The following SPIN1 variants were observed in gnomAD, a reference collection of about 807,000 sequenced individuals.
SPIN1 encodes spindlin-1.
SPIN1 carries 3 observed loss-of-function variants against 26.0 expected under a neutral mutation model. The ratio of observed to expected loss-of-function variants is 0.12; its 90% CI spans 0.05 to 0.30. The LOEUF (loss-of-function observed/expected upper bound fraction) is 0.30. Ranked by LOEUF, SPIN1 falls within the 10% of genes least tolerant of loss-of-function variation. The pLI is 1.00. For synonymous variants in SPIN1, 101 were observed against 116.5 expected (o/e 0.87, Z 0.86); for missense variants, 126 against 333.4 (o/e 0.38, Z 4.84).
chr9:88,438,210 T>C (rs1226009199), intron 2 of SPIN1, among the ~76,000 whole-genome samples: 1 of 152,182 alleles, frequency 6.6e-6, no homozygotes, highest in East Asian at 1.9e-4. Context: ...TGTAAATTTC[T>C]CTGTAAGCAC....
chr9:88,389,326 T>A (rs926791497), intron 1 of SPIN1: 3 of 152,228 alleles, frequency 2.0e-5, no homozygotes, highest in Admixed American at 2.0e-4. Context: ...AAACGAATTG[T>A]GCGATGCGGG....
At chr9:88,403,216 C>A (rs1048216731) in intron 1 of SPIN1, among the ~76,000 whole-genome samples, 3 of 152,182 alleles carry the variant, frequency 2.0e-5, no homozygotes, top group Admixed American at 2.0e-4. Flanking sequence ...TTGCACATAT[C>A]ATTTCCCATT....
At chr9:88,437,912 C>G (rs1464558039) in intron 2 of SPIN1, among the ~76,000 whole-genome samples, 4 of 152,112 alleles carry the variant, frequency 2.6e-5, no homozygotes, top group Non-Finnish European at 5.9e-5. Flanking sequence ...GCAATCCCAG[C>G]ACTTTGGGAG....
intron 1 of SPIN1, among the ~76,000 whole-genome samples, chr9:88,392,710 A>G (rs1826957196): frequency 6.6e-6 from 1 of 151,814 alleles, no homozygotes; most frequent in South Asian, 2.1e-4. Flanking sequence ...GTGTTTATGT[A>G]TAGCAGGGGA....
intron 1 of SPIN1, among the ~76,000 whole-genome samples, chr9:88,420,183 C>T (rs535348372): frequency 3.0e-4 from 46 of 152,274 alleles, no homozygotes; most frequent in African/African-American, 9.9e-4. Context: ...CGAGACCAGC[C>T]TGACCAACAT....
chr9:88,456,000 G>A (rs1302976112), intron 3 of SPIN1, among the ~76,000 whole-genome samples: 1 of 152,206 alleles, frequency 6.6e-6, no homozygotes, highest in Non-Finnish European at 1.5e-5. Flanking sequence ...TCATCATAGA[G>A]ATAACGCTCT....
chr9:88,442,074 C>T (rs772652655), intron 2 of SPIN1, among the ~76,000 whole-genome samples: 10 of 151,034 alleles, frequency 6.6e-5, no homozygotes, highest in Non-Finnish European at 1.2e-4. Flanking sequence ...GCCTCAGCCT[C>T]CCAAGTAGCT....
chr9:88,420,060 A>C (rs372989519), intron 1 of SPIN1, among the ~76,000 whole-genome samples: 13 of 152,332 alleles, frequency 8.5e-5, no homozygotes, highest in African/African-American at 3.1e-4. Flanking sequence ...AATAATCAAA[A>C]GGATCACAGT....
intron 1 of SPIN1, among the ~76,000 whole-genome samples, chr9:88,417,064 T>G (rs1232498774): frequency 1.3e-5 from 2 of 152,232 alleles, no homozygotes; most frequent in African/African-American, 4.8e-5. Context: ...TGCATTAAAT[T>G]GCAGACATCA....
chr9:88,473,125 G>A (rs976460179), intron 5 of SPIN1, among the ~76,000 whole-genome samples: 3 of 152,128 alleles, frequency 2.0e-5, no homozygotes, highest in Admixed American at 2.0e-4. Context: ...GGGCATGGTG[G>A]CTCACGCCTG....
intron 2 of SPIN1, 126 bp downstream of exon 2, chr9:88,426,717 C>T: frequency 1.4e-6 from 1 of 712,504 alleles, no homozygotes; most frequent in Non-Finnish European, 2.3e-6. Context: ...GTATGTTATA[C>T]ACATATGCAT....
At chr9:88,465,082 A>G (rs1179273843) in intron 4 of SPIN1, among the ~76,000 whole-genome samples, 1 of 152,178 alleles carries the variant, frequency 6.6e-6, no homozygotes, top group East Asian at 1.9e-4. Context: ...GTGTGACAGG[A>G]TTTCCTTTAA....
intron 1 of SPIN1, among the ~76,000 whole-genome samples, chr9:88,417,009 T>A (rs1257831990): frequency 6.6e-6 from 1 of 152,256 alleles, no homozygotes; most frequent in Non-Finnish European, 1.5e-5. Flanking sequence ...TTTAATTTGC[T>A]TACATTTTGC....
At chr9:88,470,128 G>A (rs980869942) in intron 5 of SPIN1, among the ~76,000 whole-genome samples, 2 of 152,216 alleles carry the variant, frequency 1.3e-5, no homozygotes, top group Non-Finnish European at 2.9e-5. Context: ...CATTCACGCT[G>A]TAGCATATAT....
At chr9:88,461,761 A>G (rs1036564392) in intron 3 of SPIN1, among the ~76,000 whole-genome samples, 1 of 152,200 alleles carries the variant, frequency 6.6e-6, no homozygotes. Context: ...TTTTTTCCTG[A>G]TATCAAGAGC....
Position 88,475,369 on chromosome 9 carries a change from T to G in SPIN1, c.*92T>G. The G allele has an allele frequency of 1.5e-6, 2 of 1,334,242 alleles. No individual in the cohort carries two copies. The highest frequency in any genetic ancestry group is 2.4e-5 in the East Asian group (1 of 41,530). 82.7% of individuals were successfully genotyped at this position (1,334,242 alleles called of 1,614,324 possible). A position where few individuals can be genotyped will look rare whatever the true frequency, so the allele number is the denominator to read the frequency against. ...GATTGCTTTCCAGTTTAATGAAAGC[T>G]TAAATGTCCCTGCGAACCCACAATC... On this transcript the variant is annotated 3_prime_UTR_variant, in exon 6 of 6. Transcript: ENST00000375859.
In SPIN1 at chr9:88,391,009, C is replaced by T. The variant is rs146308430; in HGVS notation, c.-159+2471C>T. 6.6e-5 allele frequency among the ~76,000 whole-genome samples: 10 copies of T among 152,236 alleles called. No individual in the cohort carries two copies. In the East Asian group the frequency reaches 1.5e-3, roughly 23 times the overall value. On this transcript the variant is annotated intron_variant, in intron 1 of 5. Transcript: ENST00000375859. ...TAATAATTATGCTCTTGCCAAACTA[C>T]CCACTGTTTTCTTTATATTCTTGCC...
intron 2 of SPIN1, among the ~76,000 whole-genome samples, chr9:88,441,572 A>G (rs1312247624): frequency 2.4e-4 from 37 of 151,718 alleles, no homozygotes; most frequent in Non-Finnish European, 2.9e-5. Context: ...AGTCTGGGCA[A>G]TGTAGTGAGA....
At chr9:88,419,171 CT>C (rs2117994124) in intron 1 of SPIN1, among the ~76,000 whole-genome samples, 1 of 152,254 alleles carries the variant, frequency 6.6e-6, no homozygotes, top group African/African-American at 2.4e-5. Flanking sequence ...TTAAAGCAGC[CT>C]TTCCTACCCT....
Sources: gnomAD v4.1 joint callset for allele counts (sites outside exome capture counted in the v4.1 genomes callset) on GRCh38, gnomAD v4.1.1 for gene constraint, MANE v1.5 for transcripts, NCBI Gene and HGNC (gene_info 2026-07-23, HGNC 2026-07-21) for gene names.